Variants in SEPTIN9 observed in about 807,000 individuals in gnomAD.
SEPTIN9 encodes the protein septin 9, also known as septin-9.
In SEPTIN9, 13 loss-of-function variants were observed where a neutral mutation model predicts 56.6. The ratio of observed to expected loss-of-function variants is 0.23; its 90% CI spans 0.15 to 0.37. The LOEUF (loss-of-function observed/expected upper bound fraction) is 0.37. Among genes scored for constraint, SEPTIN9 ranks in the 10% least tolerant of loss-of-function variants. SEPTIN9 has a pLI of 1.00. For synonymous variants in SEPTIN9, 332 were observed against 334.1 expected (o/e 0.99, Z 0.07); for missense variants, 650 against 823.1 (o/e 0.79, Z 2.57).
intron 3 of SEPTIN9, among the ~76,000 whole-genome samples, chr17:77,481,380 G>T (rs895445069): frequency 4.0e-5 from 6 of 148,840 alleles, no homozygotes; most frequent in Admixed American, 6.7e-5. Flanking sequence ...GTCAGTCCAG[G>T]GGGAGGCAGA....
Position 77,450,864 on chromosome 17 carries a change from G to A in SEPTIN9, c.722-31280G>A. On this transcript the variant is annotated intron_variant, in intron 3 of 11. Transcript: ENST00000427177. This position sits in a 1 kb window ranked among gnomAD's most constrained non-coding sequence, Gnocchi z 6.0. ...ATGGTCCCAGCCAGCAAGCACCTGG[G>A]GTAGAGGGGACAAACCCAGGTGGCT... 8.4e-6 allele frequency: 8 copies of A among 956,484 alleles called. No individual in the cohort carries two copies. Among genetic ancestry groups the A allele is most frequent in the Non-Finnish European group, 1.0e-5 (8 of 803,454 alleles). 59.2% of individuals were successfully genotyped at this position (956,484 alleles called of 1,614,324 possible). A position where few individuals can be genotyped will look rare whatever the true frequency, so the allele number is the denominator to read the frequency against.
At chr17:77,395,813 A>G (rs957795301) in intron 2 of SEPTIN9, among the ~76,000 whole-genome samples, 17 of 152,238 alleles carry the variant, frequency 1.1e-4, no homozygotes, top group Non-Finnish European at 2.9e-5. Context: ...ATGTGATTTT[A>G]ATGATGGTGC....
At chr17:77,496,227 T>C (rs1014162368) in intron 10 of SEPTIN9, 4 of 151,936 alleles carry the variant, frequency 2.6e-5, no homozygotes, top group Non-Finnish European at 4.4e-5. Flanking sequence ...CGAGATTTCA[T>C]CATGTTGGCC....
Position 77,441,825 on chromosome 17 carries a change from G to A in SEPTIN9, c.721+39122G>A, listed in dbSNP as rs796444798. 9.8e-5 allele frequency among the ~76,000 whole-genome samples: 15 copies of A among 152,298 alleles called. 2 individuals carry two copies. The highest frequency in any genetic ancestry group is 2.9e-4 in the African/African-American group (12 of 41,558). On this transcript the variant is annotated intron_variant, in intron 3 of 11. Coordinates refer to ENST00000427177, the MANE Select transcript of SEPTIN9 (RefSeq NM_001113491.2). The stretch of plus-strand genomic sequence containing the variant: ...CCAGACCTGACCCTCCTTTTGTGAC[G>A]GGAACATCCTGCAGGCAGTCTGTCC...
rs2038223033 is a variant in SEPTIN9 at position 77,456,778 on chromosome 17, T to C, written c.722-25366T>C. On this transcript the variant is annotated intron_variant, in intron 3 of 11. Coordinates refer to ENST00000427177, the MANE Select transcript of SEPTIN9 (RefSeq NM_001113491.2). The surrounding 1 kb of genome is among the most constrained non-coding windows in gnomAD (Gnocchi z 6.0). The stretch of plus-strand genomic sequence containing the variant: ...ACCCACAGCCAGGGACGGGTCCCCA[T>C]GGCCAGTACCAGGTCTCAGGGACCA... 6.6e-6 allele frequency among the ~76,000 whole-genome samples: 1 copy of C among 151,230 alleles called. No individual in the cohort carries two copies. The highest frequency in any genetic ancestry group is 2.4e-5 in the African/African-American group (1 of 41,008).
At position 77,412,746 on chromosome 17, in the gene SEPTIN9, G is replaced by T. The variant is rs573877990; in HGVS notation, c.721+10043G>T. ...GTCTAAAAAAAAAAAAGAGTTATTT[G>T]TACATCTTTATCACAGCAGGTACGA... is the stretch of plus-strand genomic sequence containing the variant. On this transcript the variant is annotated intron_variant, in intron 3 of 11. Transcript: ENST00000427177. Among the ~76,000 whole-genome samples, 4 of 151,948 alleles carry T rather than the reference G, an allele frequency of 2.6e-5. No individual in the cohort carries two copies. In the South Asian group the frequency reaches 8.3e-4, roughly 32 times the overall value.
At chr17:77,413,451 G>A (rs551454074) in intron 3 of SEPTIN9, among the ~76,000 whole-genome samples, 2 of 152,060 alleles carry the variant, frequency 1.3e-5, no homozygotes, top group Non-Finnish European at 2.9e-5. Flanking sequence ...GCTTTAGCTC[G>A]CTTAGTGAGG....
At chr17:77,368,231 G>A (rs1380989385) in intron 2 of SEPTIN9, among the ~76,000 whole-genome samples, 2 of 152,192 alleles carry the variant, frequency 1.3e-5, no homozygotes, top group Non-Finnish European at 2.9e-5. Context: ...GGTGGATGGT[G>A]TTGATGGGTG....
intron 3 of SEPTIN9, among the ~76,000 whole-genome samples, chr17:77,407,730 C>T (rs2036141685): frequency 2.0e-5 from 3 of 152,214 alleles, no homozygotes; most frequent in African/African-American, 4.8e-5. Context: ...TCTCGGTTTC[C>T]GAGGCTCTGG....
rs2037056734 is a variant in SEPTIN9, at chr17:77,429,725, C to G, written c.721+27022C>G. Among the ~76,000 whole-genome samples, 1 of 152,064 alleles carries G rather than the reference C, an allele frequency of 6.6e-6. No individual in the cohort carries two copies. The highest frequency in any genetic ancestry group is 2.4e-5 in the African/African-American group (1 of 41,396). On this transcript the variant is annotated intron_variant, in intron 3 of 11. Coordinates refer to ENST00000427177, the MANE Select transcript of SEPTIN9 (RefSeq NM_001113491.2). This position sits in a 1 kb window ranked among gnomAD's most constrained non-coding sequence, Gnocchi z 5.2. ...GGCCCTGCTGGCTGGGCCTGGTTTT[C>G]AAGTGAGCATCCTGAGCTGCGGGGA...
chr17:77,281,586 G>C, intron 1 of SEPTIN9, 32 bp downstream of exon 1: 1 of 1,532,240 alleles, frequency 6.5e-7, no homozygotes, highest in East Asian at 2.6e-5. Context: ...GGGAGGGGTC[G>C]GTGTCCCGGG....
chr17:77,366,070 C>A (rs1298443823), intron 2 of SEPTIN9, among the ~76,000 whole-genome samples: 5 of 152,126 alleles, frequency 3.3e-5, no homozygotes, highest in African/African-American at 1.2e-4. Flanking sequence ...GAGTTCTAGC[C>A]AAGCCTCCTG....
At chr17:77,368,035 C>T (rs1484915510) in intron 2 of SEPTIN9, among the ~76,000 whole-genome samples, 1 of 152,146 alleles carries the variant, frequency 6.6e-6, no homozygotes, top group Non-Finnish European at 1.5e-5. Flanking sequence ...GAATAATGAA[C>T]CTTGAAGACC....
Position 77,330,082 on chromosome 17 carries a change from C to T in SEPTIN9, c.76+22885C>T, listed in dbSNP as rs887069713. Among the ~76,000 whole-genome samples the T allele has an allele frequency of 2.0e-5, 3 of 152,242 alleles. No individual in the cohort carries two copies. The South Asian group carries it at 6.2e-4, about 31-fold the overall frequency. On this transcript the variant is annotated intron_variant, in intron 2 of 11. Transcript: ENST00000427177. The surrounding 1 kb of genome is among the most constrained non-coding windows in gnomAD (Gnocchi z 4.4). Reference sequence around the variant, plus strand: ...TCCCTCGGAATGGGGGGTGGACACTCCAAGACTAGCCTCCCAGCCACTCTC... The same window carrying T: ...TCCCTCGGAATGGGGGGTGGACACTTCAAGACTAGCCTCCCAGCCACTCTC...
In SEPTIN9 at chr17:77,310,988, A is replaced by G. The variant is rs2032469459; in HGVS notation, c.76+3791A>G. 1.3e-5 allele frequency among the ~76,000 whole-genome samples: 2 copies of G among 151,974 alleles called. No individual in the cohort carries two copies. Among genetic ancestry groups the G allele is most frequent in the African/African-American group, 4.8e-5 (2 of 41,368 alleles). ...CCCCCACAAACTCATGTCCACCAAA[A>G]ACCTCAGAATGTGACCTGGGAGTTG... On this transcript the variant is annotated intron_variant, in intron 2 of 11. Coordinates refer to ENST00000427177, the MANE Select transcript of SEPTIN9 (RefSeq NM_001113491.2). The surrounding 1 kb of genome is among the most constrained non-coding windows in gnomAD (Gnocchi z 4.7).
intron 3 of SEPTIN9, among the ~76,000 whole-genome samples, chr17:77,478,699 A>T (rs377343243): frequency 1.1e-4 from 16 of 151,514 alleles, no homozygotes; most frequent in African/African-American, 3.6e-4. Flanking sequence ...GCTACTTGAG[A>T]GGCTGAGGCA....
At chr17:77,417,326 A>G (rs1256361027) in intron 3 of SEPTIN9, among the ~76,000 whole-genome samples, 1 of 152,190 alleles carries the variant, frequency 6.6e-6, no homozygotes, top group Non-Finnish European at 1.5e-5. Flanking sequence ...GCTGTTGACG[A>G]GTTGCACGAG....
At chr17:77,468,471 G>A (rs415888) in intron 3 of SEPTIN9, among the ~76,000 whole-genome samples, 1,796 of 152,272 alleles carry the variant, frequency 0.012, 29 homozygotes, top group African/African-American at 0.041. Context: ...TAGGTTAGGG[G>A]CGTGTGTTTT....
intron 2 of SEPTIN9, among the ~76,000 whole-genome samples, chr17:77,341,794 A>AG (rs2033736580): frequency 6.9e-6 from 1 of 144,510 alleles, no homozygotes; most frequent in Admixed American, 7.0e-5. Flanking sequence ...CAAAAAAAAA[A>AG]AAAAAGGGCC....
Sources: allele counts gnomAD v4.1 joint callset (sites outside exome capture counted in the v4.1 genomes callset), GRCh38; gene constraint gnomAD v4.1.1; non-coding constraint Gnocchi (gnomAD v3.1); transcripts MANE v1.5; gene names NCBI Gene and HGNC (gene_info 2026-07-23, HGNC 2026-07-21).